TMEM74: variants seen among roughly 807,000 people sequenced by gnomAD.
TMEM74 encodes the protein transmembrane protein 74.
TMEM74 carries 13 observed loss-of-function variants against 18.1 expected under a neutral mutation model. That is an observed-to-expected ratio of 0.72 (90% CI 0.47 to 1.14). The LOEUF is 1.14. Ranked by LOEUF, TMEM74 falls within the 50% of genes most tolerant of loss-of-function variation. The pLI is 0.00. For missense variants in TMEM74, 372 were observed against 375.9 expected (o/e 0.99, Z 0.09); for synonymous variants, 159 against 146.6 (o/e 1.08, Z -0.61).
chr8:108,613,184 C>T (rs1010826525), intron 2 of TMEM74, among the ~76,000 whole-genome samples: 5 of 152,176 alleles, frequency 3.3e-5, no homozygotes, highest in Non-Finnish European at 5.9e-5. Flanking sequence ...ACTTCTTCAA[C>T]CACAGACTTT....
chr8:108,655,008 T>G (rs1812808071), intron 2 of TMEM74, among the ~76,000 whole-genome samples: 1 of 152,160 alleles, frequency 6.6e-6, no homozygotes, highest in Non-Finnish European at 1.5e-5. Context: ...AGTATGTTTA[T>G]TAGATTGGTA....
chr8:108,628,905 A>G (rs1466585741), intron 2 of TMEM74, among the ~76,000 whole-genome samples: 6 of 151,562 alleles, frequency 4.0e-5, no homozygotes, highest in South Asian at 2.1e-4. Context: ...TTTTTTTTTC[A>G]TATGTTTGTT....
chr8:108,740,596 C>T (rs1468998085), intron 1 of TMEM74, among the ~76,000 whole-genome samples: 2 of 152,144 alleles, frequency 1.3e-5, no homozygotes, highest in African/African-American at 4.8e-5. Flanking sequence ...GCCATTTTTC[C>T]ACCACCGTGT....
intron 1 of TMEM74, among the ~76,000 whole-genome samples, chr8:108,732,791 ATATATG>A (rs1813709123): frequency 6.7e-6 from 1 of 149,846 alleles, no homozygotes; most frequent in African/African-American, 2.5e-5. Context: ...AAATATATAT[ATATATG>A]TATATATATG....
chr8:108,740,807 T>C (rs1217907784), intron 1 of TMEM74, among the ~76,000 whole-genome samples: 3 of 152,176 alleles, frequency 2.0e-5, no homozygotes, highest in African/African-American at 4.8e-5. Context: ...GCTGAACATG[T>C]GTCTACCCTA....
chr8:108,667,392 C>T (rs780049801), intron 1 of TMEM74, among the ~76,000 whole-genome samples: 3 of 152,228 alleles, frequency 2.0e-5, no homozygotes, highest in Admixed American at 1.3e-4. Context: ...AATACAAATG[C>T]TACCTTTAGA....
chr8:108,640,148 C>T (rs943183653), intron 2 of TMEM74, among the ~76,000 whole-genome samples: 5 of 113,914 alleles, frequency 4.4e-5, no homozygotes, highest in South Asian at 2.9e-4. Flanking sequence ...TTTGGTGAGA[C>T]GGAGTCCGGA....
At chr8:108,738,791 G>A (rs1412724822) in intron 1 of TMEM74, among the ~76,000 whole-genome samples, 2 of 152,140 alleles carry the variant, frequency 1.3e-5, no homozygotes, top group Non-Finnish European at 2.9e-5. Context: ...ATGAAGTCTA[G>A]GAATGAACAG....
chr8:108,622,401 G>A (rs1199075080), intron 2 of TMEM74, among the ~76,000 whole-genome samples: 1 of 152,038 alleles, frequency 6.6e-6, no homozygotes, highest in Non-Finnish European at 1.5e-5. Flanking sequence ...GTAATTTGTG[G>A]GGATAGGAGG....
At chr8:108,760,973 AGTGTGTGTGT>A (rs60213902) in intron 1 of TMEM74, among the ~76,000 whole-genome samples, 3 of 148,878 alleles carry the variant, frequency 2.0e-5, no homozygotes, top group Non-Finnish European at 3.0e-5. Flanking sequence ...GTGGTTTTGG[AGTGTGTGTGT>A]GTGTGTGTGT....
chr8:108,680,337 C>A lies in TMEM74; in HGVS notation n.120-24900G>T, dbSNP rs1813099678. On this transcript the variant is annotated intron_variant and non_coding_transcript_variant, in intron 1 of 3. Coordinates refer to the TMEM74 transcript ENST00000518838. ...TCCACCATGATCAAGTGGGCTTCAT[C>A]CCTGAGATGCAAGGCTGGTTCAACA... Among the ~76,000 whole-genome samples the A allele has an allele frequency of 2.0e-5, 3 of 152,298 alleles. No individual in the cohort carries two copies. In the South Asian group the frequency reaches 6.2e-4, roughly 32 times the overall value.
At chr8:108,761,519 T>C (rs1563545160) in intron 1 of TMEM74, among the ~76,000 whole-genome samples, 1 of 152,118 alleles carries the variant, frequency 6.6e-6, no homozygotes, top group South Asian at 2.1e-4. Flanking sequence ...TCCATCTTAT[T>C]AGAGAGGATA....
At chr8:108,775,096 C>A (rs932549235), downstream of TMEM74, among the ~76,000 whole-genome samples, 1 of 152,138 alleles carries the variant, frequency 6.6e-6, no homozygotes, top group South Asian at 2.1e-4. Context: ...ACTAATGGAA[C>A]AAGGACATGA....
intron 1 of TMEM74, among the ~76,000 whole-genome samples, chr8:108,673,471 G>C (rs1373624749): frequency 6.6e-6 from 1 of 152,172 alleles, no homozygotes; most frequent in Non-Finnish European, 1.5e-5. Context: ...GCTCTAACTA[G>C]GAAGTGAATC....
intron 1 of TMEM74, among the ~76,000 whole-genome samples, chr8:108,685,749 G>A (rs1408786263): frequency 6.6e-6 from 1 of 152,020 alleles, no homozygotes; most frequent in Non-Finnish European, 1.5e-5. Flanking sequence ...TTGTCTGAGA[G>A]AAGGAATGGA....
chr8:108,750,294 C>T (rs1297282068), intron 1 of TMEM74, among the ~76,000 whole-genome samples: 1 of 152,134 alleles, frequency 6.6e-6, no homozygotes, highest in African/African-American at 2.4e-5. Flanking sequence ...TTTTAGATAA[C>T]ACCTATTAAC....
intron 1 of TMEM74, among the ~76,000 whole-genome samples, chr8:108,696,405 C>A (rs756535452): frequency 6.6e-6 from 1 of 152,182 alleles, no homozygotes; most frequent in Non-Finnish European, 1.5e-5. Context: ...GATCTCAAAG[C>A]ACTTGGTCTG....
intron 1 of TMEM74, among the ~76,000 whole-genome samples, chr8:108,661,390 T>TC (rs1276477274): frequency 3.4e-5 from 5 of 147,480 alleles, no homozygotes; most frequent in Middle Eastern, 6.8e-3. Context: ...TTTTTTTTTT[T>TC]TTTTTTTTTT....
At chr8:108,675,501 T>A (rs997752747) in intron 1 of TMEM74, among the ~76,000 whole-genome samples, 13 of 152,146 alleles carry the variant, frequency 8.5e-5, no homozygotes, top group Non-Finnish European at 1.5e-4. Flanking sequence ...ATAAACAATT[T>A]AAAATCGCAT....
Sources: gnomAD v4.1 joint callset for allele counts (sites outside exome capture counted in the v4.1 genomes callset) on GRCh38, gnomAD v4.1.1 for gene constraint, MANE v1.5 for transcripts, NCBI Gene and HGNC (gene_info 2026-07-23, HGNC 2026-07-21) for gene names.